Variants in AFM observed in about 807,000 individuals in gnomAD.
AFM encodes the protein alpha-Alb.
Under a neutral mutation model 68.7 loss-of-function variants are expected in AFM, and 82 were observed. The observed-to-expected ratio is 1.19, with a 90% confidence interval of 1.00 to 1.43. The LOEUF is 1.43. Ranked by LOEUF, AFM falls within the 40% of genes most tolerant of loss-of-function variation. The pLI, the probability that AFM is intolerant of heterozygous loss-of-function variation, is 0.00. For missense variants in AFM, 772 were observed against 701.8 expected, an observed-to-expected ratio of 1.10 and a Z score of -1.13; for synonymous variants, 250 against 234.2, an observed-to-expected ratio of 1.07 and a Z score of -0.61.
intron 9 of AFM, 32 bp from the exon 10 acceptor site, chr4:73,497,620 A>G (rs200781633): frequency 1.4e-6 from 2 of 1,406,508 alleles, no homozygotes; most frequent in Admixed American, 1.8e-5. Context: ...TTTAGATAAA[A>G]TGTTTGTAAC....
intron 9 of AFM, among the ~76,000 whole-genome samples, chr4:73,497,193 A>G (rs371209588): frequency 2.0e-5 from 3 of 152,190 alleles, no homozygotes; most frequent in East Asian, 1.9e-4. Context: ...CCAAATCTAA[A>G]CAATGAAAAA....
At chr4:73,488,524 T>C (rs950252001) in intron 6 of AFM, 106 bp from the exon 7 acceptor site, 1 of 940,422 alleles carries the variant, frequency 1.1e-6, no homozygotes, top group Non-Finnish European at 1.6e-6. Flanking sequence ...ACAACAGCAA[T>C]GGTGGCAATA....
chr4:73,492,092 AT>A lies in AFM; in HGVS notation c.1058+7del, dbSNP rs1421263449. ...CCAGACACCTTCTTTGCGAAGTAATATAACTCTTTATTGAATTTATAAGGGA... is the reference window on the plus strand; with the variant it reads ...CCAGACACCTTCTTTGCGAAGTAATAAACTCTTTATTGAATTTATAAGGGA... On this transcript the variant is annotated splice_region_variant and intron_variant, in intron 8 of 14. Transcript: ENST00000226355. 6.3e-7 allele frequency: 1 copy of A among 1,593,134 alleles called. No homozygotes were observed. Among genetic ancestry groups the A allele is most frequent in the African/African-American group, 1.4e-5 (1 of 73,616 alleles).
chr4:73,500,156 T>C lies in AFM; in HGVS notation c.1575T>C (p.Ser525=). ...ADKTYVPPPF[S]QDLFTFHADM... ...AAACATATGTGCCTCCACCTTTCTC[T>C]CAAGATTTATTTACCTTTCACGCAG... Residue 525 remains serine (S), a synonymous_variant, in exon 12 of 15, where the codon TCT becomes TCC. Transcript: ENST00000226355. The C allele has an allele frequency of 1.2e-6, 2 of 1,613,970 alleles. No homozygotes were observed. The highest frequency in any genetic ancestry group is 2.2e-5 in the South Asian group (2 of 91,086).
intron 7 of AFM, among the ~76,000 whole-genome samples, chr4:73,491,137 C>G (rs978241915): frequency 6.6e-6 from 1 of 152,178 alleles, no homozygotes; most frequent in Non-Finnish European, 1.5e-5. Flanking sequence ...GGGCCCAGAA[C>G]AGTTTTTAAA....
chr4:73,482,439 C>T (rs530820820), intron 1 of AFM, among the ~76,000 whole-genome samples: 56 of 152,214 alleles, frequency 3.7e-4, no homozygotes, highest in Admixed American at 1.2e-3. Context: ...TCCTTTTTGG[C>T]CTAGAAGGAG....
At chr4:73,489,868 G>A (rs967466474) in intron 7 of AFM, among the ~76,000 whole-genome samples, 1 of 152,148 alleles carries the variant, frequency 6.6e-6, no homozygotes, top group Admixed American at 6.5e-5. Flanking sequence ...GCTCATGCAT[G>A]CGGGGCTTAA....
chr4:73,500,840 T>C (rs1721404971), intron 12 of AFM, among the ~76,000 whole-genome samples: 1 of 152,196 alleles, frequency 6.6e-6, no homozygotes, highest in South Asian at 2.1e-4. Flanking sequence ...TCTTATTATG[T>C]GCAATATTCA....
At chr4:73,491,469 G>A (rs1721069050) in intron 7 of AFM, among the ~76,000 whole-genome samples, 1 of 152,160 alleles carries the variant, frequency 6.6e-6, no homozygotes, top group Non-Finnish European at 1.5e-5. Context: ...TCAGCCACAA[G>A]AGAAGACCAG....
chr4:73,502,173 T>A (rs1249628977), intron 13 of AFM, among the ~76,000 whole-genome samples: 1 of 152,184 alleles, frequency 6.6e-6, no homozygotes, highest in East Asian at 1.9e-4. Context: ...TTAAACTGAA[T>A]GGCAATTAAC....
At chr4:73,491,480 G>C (rs867079016) in intron 7 of AFM, among the ~76,000 whole-genome samples, 1 of 152,082 alleles carries the variant, frequency 6.6e-6, no homozygotes, top group South Asian at 2.1e-4. Context: ...AGAAGACCAG[G>C]ATTATAGATA....
chr4:73,486,974 T>C lies in AFM; in HGVS notation c.490T>C (p.Tyr164His), dbSNP rs1386665083. Residue 164 changes from tyrosine to histidine, a missense_variant, in exon 5 of 15, where the codon TAT becomes CAT. Transcript: ENST00000226355. The stretch of plus-strand genomic sequence containing the variant: ...CATTTTTATTTTTTATAGCTTTTTA[T>C]ATGAAGTTGCCAGAAGGAACCCATT... ...NRESLLNHFL[Y>H]EVARRNPFVF... 3 of 1,612,894 alleles carry C rather than the reference T, an allele frequency of 1.9e-6. No individual in the cohort carries two copies. Among genetic ancestry groups the C allele is most frequent in the Middle Eastern group, 1.7e-4 (1 of 6,060 alleles).
intron 1 of AFM, among the ~76,000 whole-genome samples, chr4:73,483,427 A>T (rs1720770075): frequency 6.6e-6 from 1 of 152,252 alleles, no homozygotes; most frequent in South Asian, 2.1e-4. Context: ...AAACATAAAT[A>T]TGCTCCAATT....
At chr4:73,498,702 A>G (rs1322328845) in intron 10 of AFM, among the ~76,000 whole-genome samples, 1 of 152,244 alleles carries the variant, frequency 6.6e-6, no homozygotes, top group East Asian at 1.9e-4. Flanking sequence ...AACTTAGTTC[A>G]TTAAAAATCT....
intron 8 of AFM, 25 bp downstream of exon 8, chr4:73,492,111 A>T (rs1444702046): frequency 6.4e-7 from 1 of 1,573,848 alleles, no homozygotes; most frequent in Admixed American, 2.0e-5. Flanking sequence ...TATTGAATTT[A>T]TAAGGGAAAC....
chr4:73,488,048 A>T (rs1346330222), intron 6 of AFM, among the ~76,000 whole-genome samples: 1 of 152,054 alleles, frequency 6.6e-6, no homozygotes, highest in Non-Finnish European at 1.5e-5. Flanking sequence ...TCTGAGACAT[A>T]TTTAGGTTAA....
Position 73,500,170 on chromosome 4 carries a change from C to T in AFM, c.1589C>T (p.Thr530Ile). The T allele has an allele frequency of 6.2e-7, 1 of 1,613,904 alleles. No individual in the cohort carries two copies. The highest frequency in any genetic ancestry group is 8.5e-7 in the Non-Finnish European group (1 of 1,179,932). Residue 530 changes from threonine to isoleucine, a missense_variant, in exon 12 of 15, where the codon ACC becomes ATC. Coordinates refer to ENST00000226355, the MANE Select transcript of AFM (RefSeq NM_001133.2). ...VPPPFSQDLFTFHADMCQSQN... is the reference protein window; with the variant it reads ...VPPPFSQDLFIFHADMCQSQN... Reference sequence around the variant, plus strand: ...CCACCTTTCTCTCAAGATTTATTTACCTTTCACGCAGACATGTGTCAATCT... The same window carrying T: ...CCACCTTTCTCTCAAGATTTATTTATCTTTCACGCAGACATGTGTCAATCT...
At chr4:73,485,008 G>T (rs1720851128) in intron 3 of AFM, among the ~76,000 whole-genome samples, 1 of 152,178 alleles carries the variant, frequency 6.6e-6, no homozygotes, top group Non-Finnish European at 1.5e-5. Flanking sequence ...GTATTTTGAT[G>T]CACAGAAGGA....
rs546791515 is a variant in AFM at position 73,495,643 on chromosome 4, T to A, written c.1191+211T>A. Among the ~76,000 whole-genome samples, 265 of 152,328 alleles carry A rather than the reference T, an allele frequency of 1.7e-3. 3 individuals are homozygous for A. Among genetic ancestry groups the A allele is most frequent in the African/African-American group, 6.3e-3 (262 of 41,582 alleles). On this transcript the variant is annotated intron_variant, in intron 9 of 14. Coordinates refer to ENST00000226355, the MANE Select transcript of AFM (RefSeq NM_001133.2). ...TGTTTTGGACTACTAATCCAATGTG[T>A]TAATTCAAAAAAGTCTTCCCATTAA...
Sources: gnomAD v4.1 joint callset for allele counts (sites outside exome capture counted in the v4.1 genomes callset) on GRCh38, gnomAD v4.1.1 for gene constraint, MANE v1.5 for transcripts, NCBI Gene and HGNC (gene_info 2026-07-23, HGNC 2026-07-21) for gene names.